DEGS2: variants seen among roughly 807,000 people sequenced by gnomAD.
DEGS2 encodes the protein delta 4-desaturase, sphingolipid 2, also known as sphingolipid delta(4)-desaturase/C4-monooxygenase DES2.
Under a neutral mutation model 23.8 loss-of-function variants are expected in DEGS2, and 19 were observed. The ratio of observed to expected loss-of-function variants is 0.80; its 90% CI spans 0.56 to 1.17. DEGS2 has a LOEUF of 1.17. DEGS2 is among the 50% of genes most tolerant of loss of function. DEGS2 has a pLI of 0.00. For synonymous variants in DEGS2, 218 were observed against 213.7 expected (o/e 1.02, Z -0.18); for missense variants, 390 against 459.5 (o/e 0.85, Z 1.38).
chr14:100,156,571 A>G (rs1889661648), intron 1 of DEGS2, among the ~76,000 whole-genome samples: 1 of 152,064 alleles, frequency 6.6e-6, no homozygotes, highest in Non-Finnish European at 1.5e-5. Context: ...TTACAGACTC[A>G]CCCGTGGCTA....
intron 1 of DEGS2, 76 bp downstream of exon 1, chr14:100,159,430 G>A: frequency 1.6e-6 from 2 of 1,214,570 alleles, no homozygotes; most frequent in Non-Finnish European, 2.2e-6. Context: ...GGCCCGTCTG[G>A]GCTCGACCCC....
the DEGS2 span, among the ~76,000 whole-genome samples, chr14:100,165,128 C>A: frequency 6.6e-6 from 1 of 152,202 alleles, no homozygotes; most frequent in South Asian, 2.1e-4. Flanking sequence ...TGCCAGTGAC[C>A]ACCTCACAGC....
At chr14:100,152,531 C>G (rs1035374169) in intron 1 of DEGS2, among the ~76,000 whole-genome samples, 1 of 152,192 alleles carries the variant, frequency 6.6e-6, no homozygotes, top group South Asian at 2.1e-4. Flanking sequence ...AGACAAGGGT[C>G]TCCCTCCTGT....
intron 2 of DEGS2, among the ~76,000 whole-genome samples, chr14:100,148,217 G>T (rs1031111061): frequency 6.6e-6 from 1 of 152,226 alleles, no homozygotes; most frequent in Non-Finnish European, 1.5e-5. Flanking sequence ...GCCTGCGCAC[G>T]TGGGCAGGCA....
chr14:100,146,896 G>T lies in DEGS2; in HGVS notation c.837C>A (p.Ile279=), dbSNP rs760013835. Residue 279 remains isoleucine (I), a synonymous_variant, in exon 3 of 3, where the codon ATC becomes ATA. Transcript: ENST00000305631. ...GCAGGTGGTCGTAGTACTCGGGCGC[G>T]ATCTTCCGCACCTGTAGAGAGGAGG... ...PGYNLPLVRK[I]APEYYDHLPQ... 6.2e-7 allele frequency: 1 copy of T among 1,612,742 alleles called. No homozygotes were observed. The highest frequency in any genetic ancestry group is 2.2e-5 in the East Asian group (1 of 44,876).
intron 1 of DEGS2, among the ~76,000 whole-genome samples, chr14:100,156,869 C>A (rs1232948626): frequency 6.6e-6 from 1 of 152,188 alleles, no homozygotes; most frequent in Non-Finnish European, 1.5e-5. Context: ...TGGCACATTC[C>A]AAATTTATTA....
At chr14:100,155,110 C>A (rs2140424308) in intron 1 of DEGS2, among the ~76,000 whole-genome samples, 1 of 152,338 alleles carries the variant, frequency 6.6e-6, no homozygotes, top group African/African-American at 2.4e-5. Flanking sequence ...AGGTGCCCGT[C>A]ACTGCCCATC....
chr14:100,159,332 G>A (rs1262187896), intron 1 of DEGS2, among the ~76,000 whole-genome samples, 174 bp downstream of exon 1: 2 of 152,202 alleles, frequency 1.3e-5, no homozygotes, highest in Non-Finnish European at 2.9e-5. Flanking sequence ...CGGCCAGGGT[G>A]GGGGACCCTC....
intron 1 of DEGS2, among the ~76,000 whole-genome samples, chr14:100,153,967 C>T (rs775389343): frequency 1.3e-5 from 2 of 152,122 alleles, no homozygotes; most frequent in African/African-American, 2.4e-5. Context: ...TCAGGACCCC[C>T]GACTCCAGGC....
chr14:100,148,191 A>G (rs1889489283), intron 2 of DEGS2, among the ~76,000 whole-genome samples: 1 of 152,230 alleles, frequency 6.6e-6, no homozygotes, highest in Non-Finnish European at 1.5e-5. Flanking sequence ...GCGCACGCCC[A>G]GGCACACATG....
chr14:100,147,237 G>A (rs1889465686), intron 2 of DEGS2, among the ~76,000 whole-genome samples: 1 of 152,182 alleles, frequency 6.6e-6, no homozygotes, highest in African/African-American at 2.4e-5. Flanking sequence ...TGTGGCAGAG[G>A]CACCCACGGG....
In DEGS2 at chr14:100,149,382, G is replaced by A. The variant is rs749977443; in HGVS notation, c.411C>T (p.Gly137=). Residue 137 remains glycine (G), a synonymous_variant, in exon 2 of 3, where the codon GGC becomes GGT. Coordinates refer to ENST00000305631, the MANE Select transcript of DEGS2 (RefSeq NM_206918.3). ...YHVDHHRYLG[G]DGLDVDVPTR... is the part of the protein sequence containing the mutation. ...TGGGCACGTCCACGTCCAGCCCGTC[G>A]CCGCCCAGGTAGCGGTGGTGGTCCA... is the stretch of plus-strand genomic sequence containing the variant. 1.0e-5 allele frequency: 16 copies of A among 1,604,926 alleles called. No individual in the cohort carries two copies. Among genetic ancestry groups the A allele is most frequent in the South Asian group, 3.3e-5 (3 of 90,400 alleles).
At chr14:100,158,436 C>T (rs994284485) in intron 1 of DEGS2, among the ~76,000 whole-genome samples, 8 of 151,974 alleles carry the variant, frequency 5.3e-5, no homozygotes, top group African/African-American at 1.9e-4. Context: ...GTGGCAGGTG[C>T]CTGTAATCCC....
chr14:100,156,272 C>T (rs932241010), intron 1 of DEGS2, among the ~76,000 whole-genome samples: 4 of 152,240 alleles, frequency 2.6e-5, no homozygotes, highest in African/African-American at 9.6e-5. Flanking sequence ...CTCTCAGCCT[C>T]ACTCCTGCCT....
At chr14:100,164,879 A>G in the DEGS2 span, among the ~76,000 whole-genome samples, 2 of 152,238 alleles carry the variant, frequency 1.3e-5, no homozygotes, top group Non-Finnish European at 2.9e-5. Flanking sequence ...TGGCAGCTTT[A>G]TTAGTAAAAG....
chr14:100,149,498 T>C lies in DEGS2; in HGVS notation c.295A>G (p.Thr99Ala), dbSNP rs1396762531. 1 of 1,600,236 alleles carries C rather than the reference T, an allele frequency of 6.2e-7. No homozygotes were observed. ...CAGCGGTTGCGTGCCGCACGGCCCGTGCCGAAGGCCGCGTTGTGCGAGATG... is the reference window on the plus strand; with the variant it reads ...CAGCGGTTGCGTGCCGCACGGCCCGCGCCGAAGGCCGCGTTGTGCGAGATG... The part of the protein sequence containing the change: ...HDISHNAAFG[T>A]GRAARNRWLA... The change falls in exon 2 of 3, where the codon ACG becomes GCG. Residue 99 changes from threonine (T) to alanine (A), a missense_variant. Transcript: ENST00000305631.
chr14:100,162,628 G>C (rs1008283804), upstream of DEGS2, among the ~76,000 whole-genome samples: 6 of 152,148 alleles, frequency 3.9e-5, no homozygotes, highest in African/African-American at 1.4e-4. Flanking sequence ...CGCGCACACA[G>C]CATTGGAAAG....
chr14:100,159,655 G>C, upstream of DEGS2: 1 of 1,124,288 alleles, frequency 8.9e-7, no homozygotes, highest in African/African-American at 1.7e-5. Flanking sequence ...CGGCGGCCGC[G>C]GCGCGGAACC....
chr14:100,154,355 CA>C (rs5810980), intron 1 of DEGS2, among the ~76,000 whole-genome samples: 61,078 of 137,804 alleles, frequency 0.44, 14,408 homozygotes, highest in Non-Finnish European at 0.54. Flanking sequence ...CAAAGCGTCT[CA>C]AAAAAAAAAA....
Sources: gnomAD v4.1 joint callset for allele counts (sites outside exome capture counted in the v4.1 genomes callset) on GRCh38, gnomAD v4.1.1 for gene constraint, MANE v1.5 for transcripts, NCBI Gene and HGNC (gene_info 2026-07-23, HGNC 2026-07-21) for gene names.